Variants in NRXN2 observed in about 807,000 individuals in gnomAD.
NRXN2 encodes the protein neurexin-2-beta.
A neutral mutation model predicts 128.8 loss-of-function variants in NRXN2; 29 were observed. The ratio of observed to expected loss-of-function variants is 0.23; its 90% confidence interval spans 0.17 to 0.31. The LOEUF is 0.31. Among genes scored for constraint, NRXN2 ranks in the 10% least tolerant of loss-of-function variants. The pLI is 1.00. For synonymous variants in NRXN2, 1,098 were observed against 1,075.2 expected, an observed-to-expected ratio of 1.02 and a Z score of -0.41; for missense variants, 1,881 against 2,452.6, an observed-to-expected ratio of 0.77 and a Z score of 4.92.
At position 64,623,214 on chromosome 11, in the gene NRXN2, G is replaced by T; in HGVS notation, c.3848-136C>A. On this transcript the variant is annotated intron_variant, in intron 20 of 22. Transcript: ENST00000265459. The surrounding 1 kb of genome is among the most constrained non-coding windows in gnomAD (Gnocchi z 4.9). ...AGCCAGTAAGGGAGGAGGGGACGGG[G>T]AGAAATGAGGAAGGGGCAGAAAGCC... The T allele has an allele frequency of 7.3e-7, 1 of 1,363,038 alleles. No homozygotes were observed. The allele number at this position is 1,363,038 out of a possible 1,614,324, so 84.4% of individuals were successfully genotyped here.
chr11:64,712,786 C>G (rs1488945118), intron 2 of NRXN2, 184 bp downstream of exon 2: 9 of 706,846 alleles, frequency 1.3e-5, no homozygotes, highest in Non-Finnish European at 2.3e-5. Flanking sequence ...CCCCGCCCAC[C>G]GCCAACCCCA....
intron 3 of NRXN2, among the ~76,000 whole-genome samples, chr11:64,695,434 G>A (rs1318421237): frequency 6.6e-6 from 1 of 152,010 alleles, no homozygotes; most frequent in Admixed American, 6.5e-5. Flanking sequence ...GTGTCAAGTG[G>A]GAAGAAGGCG....
At chr11:64,636,666 GC>G (rs2044767423) in intron 17 of NRXN2, among the ~76,000 whole-genome samples, 1 of 151,894 alleles carries the variant, frequency 6.6e-6, no homozygotes, top group African/African-American at 2.4e-5. Context: ...AGGCCTAAGG[GC>G]AAAAGCCTAG....
intron 3 of NRXN2, among the ~76,000 whole-genome samples, chr11:64,693,125 A>G (rs2054050474): frequency 6.8e-6 from 1 of 148,038 alleles, no homozygotes; most frequent in Non-Finnish European, 1.5e-5. Flanking sequence ...AGGGGAAGAG[A>G]GAAAGAGAGA....
intron 6 of NRXN2, 98 bp downstream of exon 6, chr11:64,685,548 C>T (rs2052913617): frequency 2.0e-6 from 3 of 1,501,702 alleles, no homozygotes; most frequent in South Asian, 1.1e-5. Context: ...ACTGCCCAGC[C>T]CTGATCCCTC....
At chr11:64,693,951 A>G (rs2054172869) in intron 3 of NRXN2, among the ~76,000 whole-genome samples, 1 of 152,180 alleles carries the variant, frequency 6.6e-6, no homozygotes, top group African/African-American at 2.4e-5. Flanking sequence ...AAGACCAGCT[A>G]GGATTTCCAT....
At position 64,650,480 on chromosome 11, in the gene NRXN2, T is replaced by C. The variant is rs763897933; in HGVS notation, c.3077A>G (p.His1026Arg). ...LKIDSRTVTQ[H>R]SNGARNLDLK... ...ATCGAGGTTTCGGGCGCCATTGGAGTGCTGCGTGACAGTGCGGGAGTCAAT... is the reference window on the plus strand; with the variant it reads ...ATCGAGGTTTCGGGCGCCATTGGAGCGCTGCGTGACAGTGCGGGAGTCAAT... The change falls in exon 15 of 23, where the codon CAC becomes CGC. Residue 1026 changes from histidine (H) to arginine (R), a missense_variant. Physicochemically the swap from His to Arg is conservative, Grantham distance 29. Around this residue, in one of 7 missense-constraint regions of NRXN2, gnomAD observed 390 missense variants for 599.6 expected, o/e 0.65. Transcript: ENST00000265459. 5 of 1,613,672 alleles carry C rather than the reference T, an allele frequency of 3.1e-6. No individual in the cohort carries two copies. The African/African-American group carries it at 6.7e-5, about 22-fold the overall frequency.
chr11:64,651,355 T>C lies in NRXN2; in HGVS notation c.2818A>G (p.Met940Val). The change falls in exon 14 of 23, where the codon ATG (methionine) becomes GTG (valine). Residue 940 changes from methionine (M) to valine (V), a missense_variant. By Grantham distance (21) the Met-to-Val change is conservative. This residue lies in a region of NRXN2 where 390 missense variants were observed against 599.6 expected (regional missense o/e 0.65). Transcript: ENST00000265459. The surrounding 1 kb of genome is among the most constrained non-coding windows in gnomAD (Gnocchi z 5.9). Reference sequence around the variant, plus strand: ...GTCTTGAACTGGAAGAAGAGGTGCATGGAAGCATAGGCTTGGAGCGTGGCG... The same window carrying C: ...GTCTTGAACTGGAAGAAGAGGTGCACGGAAGCATAGGCTTGGAGCGTGGCG... ...ALATLQAYAS[M>V]HLFFQFKTTA... 1 of 1,614,144 alleles carries C rather than the reference T, an allele frequency of 6.2e-7. No homozygotes were observed. Among genetic ancestry groups the C allele is most frequent in the Non-Finnish European group, 8.5e-7 (1 of 1,180,004 alleles).
chr11:64,629,875 T>A (rs2135366246), intron 19 of NRXN2, among the ~76,000 whole-genome samples: 1 of 152,196 alleles, frequency 6.6e-6, no homozygotes, highest in East Asian at 1.9e-4. Flanking sequence ...GCTACTCCTC[T>A]TCCTTCGTTA....
intron 9 of NRXN2, chr11:64,661,341 G>C (rs1434748750): frequency 6.9e-7 from 1 of 1,459,010 alleles, no homozygotes; most frequent in Non-Finnish European, 9.0e-7. Context: ...CCCAGGCTCA[G>C]AGGCTTCTGT....
intron 19 of NRXN2, among the ~76,000 whole-genome samples, chr11:64,628,263 A>G (rs1173449406): frequency 1.3e-5 from 2 of 152,190 alleles, no homozygotes; most frequent in Non-Finnish European, 2.9e-5. Context: ...GAGAGGCTAG[A>G]TGACTTGTCC....
intron 6 of NRXN2, among the ~76,000 whole-genome samples, chr11:64,677,565 C>T (rs2051520371): frequency 6.6e-6 from 1 of 152,170 alleles, no homozygotes; most frequent in Non-Finnish European, 1.5e-5. Flanking sequence ...GGGTTATAAG[C>T]GTGTTAGTAA....
At chr11:64,644,667 T>G (rs2046369106) in intron 17 of NRXN2, among the ~76,000 whole-genome samples, 2 of 148,732 alleles carry the variant, frequency 1.3e-5, no homozygotes, top group African/African-American at 2.5e-5. Context: ...AGGCAGAGGG[T>G]AGAGGAGGAG....
rs759234951 is a variant in NRXN2, at chr11:64,660,970, G to C, written c.1968C>G (p.Gly656=). The change falls in exon 10 of 23, where the codon GGC becomes GGG. Residue 656 remains glycine (G), a synonymous_variant. Coordinates refer to ENST00000265459, the MANE Select transcript of NRXN2 (RefSeq NM_015080.4). This position sits in a 1 kb window ranked among gnomAD's most constrained non-coding sequence, Gnocchi z 5.2. ...CATCTATGAAGAGGTCCCGCACACA[G>C]CCCACGTAGCCTGCCCGGAGTGCTG... ...WTAALRAGYV[G]CVRDLFIDGR... is the part of the protein sequence containing the mutation. 6.2e-7 allele frequency: 1 copy of C among 1,613,890 alleles called. No individual in the cohort carries two copies. The highest frequency in any genetic ancestry group is 8.5e-7 in the Non-Finnish European group (1 of 1,180,004).
chr11:64,683,491 G>A (rs539610212), intron 6 of NRXN2, among the ~76,000 whole-genome samples: 2 of 152,074 alleles, frequency 1.3e-5, no homozygotes, highest in South Asian at 2.1e-4. Flanking sequence ...GTGGTAGCGG[G>A]CACCTGTAAT....
chr11:64,692,908 GAAA>G, intron 3 of NRXN2, 32 bp from the exon 4 acceptor site: 2 of 1,543,778 alleles, frequency 1.3e-6, no homozygotes, highest in Non-Finnish European at 1.8e-6. Context: ...AAGAAAGAAA[GAAA>G]AAAAGAAGAA....
intron 17 of NRXN2, chr11:64,642,531 C>A: frequency 6.2e-7 from 1 of 1,606,714 alleles, no homozygotes; most frequent in East Asian, 2.3e-5. Flanking sequence ...ATCTACAGTG[C>A]CACTTACCGT....
In NRXN2 at chr11:64,607,233, T is replaced by C; in HGVS notation, c.5102A>G (p.Lys1701Arg). Reference protein sequence around the residue: ...KAPAAPKTPSKAKKNKDKEYY... With the variant: ...KAPAAPKTPSRAKKNKDKEYY... ...CTCCTTGTCTTTGTTCTTCTTGGCC[T>C]TGCTGGGCGTCTTGGGGGCAGCCGG... Residue 1701 changes from lysine to arginine, a missense_variant, in exon 23 of 23, where the codon AAG becomes AGG. Lys to Arg is a conservative substitution (Grantham distance 26). Transcript: ENST00000265459. The C allele has an allele frequency of 3.1e-6, 5 of 1,613,776 alleles. No homozygotes were observed. The highest frequency in any genetic ancestry group is 4.2e-6 in the Non-Finnish European group (5 of 1,179,908).
At chr11:64,681,471 AG>A (rs1307945890) in intron 6 of NRXN2, among the ~76,000 whole-genome samples, 1 of 152,236 alleles carries the variant, frequency 6.6e-6, no homozygotes, top group African/African-American at 2.4e-5. Flanking sequence ...GGCTGGCTGG[AG>A]GAAGGGATCA....
Sources: gnomAD v4.1 joint callset for allele counts (sites outside exome capture counted in the v4.1 genomes callset) on GRCh38, gnomAD v4.1.1 for gene constraint, gnomAD v4.1.1 regional missense constraint, Gnocchi (gnomAD v3.1) non-coding constraint, MANE v1.5 for transcripts, NCBI Gene and HGNC (gene_info 2026-07-23, HGNC 2026-07-21) for gene names.